Variants in YME1L1 observed in about 807,000 individuals in gnomAD.
YME1L1 encodes the protein YME1 like 1 ATPase, also known as ATP-dependent zinc metalloprotease YME1L1.
YME1L1 carries 39 observed loss-of-function variants against 90.4 expected under a neutral mutation model. The ratio of observed to expected loss-of-function variants is 0.43; its 90% CI spans 0.33 to 0.56. The LOEUF (loss-of-function observed/expected upper bound fraction) is 0.56, where lower values mean the gene tolerates loss of function less well. Ranked by LOEUF, YME1L1 falls within the 20% of genes least tolerant of loss-of-function variation. The pLI is 0.03. For synonymous variants in YME1L1, 284 were observed against 287.3 expected (o/e 0.99, Z 0.12); for missense variants, 617 against 868.4 (o/e 0.71, Z 3.64).
rs779648338 is a variant in YME1L1, at chr10:27,117,597, T to G, written c.1698A>C (p.Pro566=). The G allele has an allele frequency of 5.0e-6, 8 of 1,613,874 alleles. No individual in the cohort carries two copies. The African/African-American group carries it at 5.3e-5, about 11-fold the overall frequency. ...TTACATGTCCAAGTGTTGGCCCCCGTGGCATGATTGTAGCTTTGTTGATAG... is the reference window on the plus strand; with the variant it reads ...TTACATGTCCAAGTGTTGGCCCCCGGGGCATGATTGTAGCTTTGTTGATAG... The part of the protein sequence containing the change: ...AMPINKATIM[P]RGPTLGHVSL... The change falls in exon 15 of 19, where the codon CCA becomes CCC. Residue 566 remains proline, a synonymous_variant. Transcript: ENST00000376016.
At position 27,137,185 on chromosome 10, in the gene YME1L1, T is replaced by C. The variant is rs1192051888; in HGVS notation, c.431-800A>G. ...GCCCCAATCCCACTTCCCAGAAGTA[T>C]AACCTGTTAACAATTCTGACTACCC... is the stretch of plus-strand genomic sequence containing the variant. On this transcript the variant is annotated intron_variant, in intron 4 of 18. Transcript: ENST00000376016. Among the ~76,000 whole-genome samples, 4 of 152,226 alleles carry C rather than the reference T, an allele frequency of 2.6e-5. No individual in the cohort carries two copies. In the East Asian group the frequency reaches 7.7e-4, roughly 29 times the overall value.
chr10:27,128,623 A>T (rs1448589586), intron 8 of YME1L1, among the ~76,000 whole-genome samples: 1 of 151,946 alleles, frequency 6.6e-6, no homozygotes, highest in Non-Finnish European at 1.5e-5. Flanking sequence ...AAGATAAATC[A>T]GCTGGGCTTG....
At chr10:27,137,403 G>C (rs1211588539) in intron 4 of YME1L1, among the ~76,000 whole-genome samples, 1 of 151,984 alleles carries the variant, frequency 6.6e-6, no homozygotes, top group Non-Finnish European at 1.5e-5. Flanking sequence ...TTTGTTTTCT[G>C]GTTTTTATTG....
chr10:27,121,536 T>C, intron 11 of YME1L1, 88 bp from the exon 12 acceptor site: 1 of 959,718 alleles, frequency 1.0e-6, no homozygotes. Flanking sequence ...GTTTGTTTTC[T>C]TTTTTTGAGA....
chr10:27,153,236 A>AACT (rs761977733), intron 1 of YME1L1: 6 of 470,882 alleles, frequency 1.3e-5, no homozygotes, highest in South Asian at 9.3e-5. Context: ...CCTGGTACAT[A>AACT]ACTGATGCCC....
At chr10:27,114,950 C>A (rs1361068487) in intron 17 of YME1L1, among the ~76,000 whole-genome samples, 1 of 152,160 alleles carries the variant, frequency 6.6e-6, no homozygotes, top group African/African-American at 2.4e-5. Flanking sequence ...TCGCTTGAAC[C>A]CAGGAGGCGG....
chr10:27,145,704 CCTTT>C, intron 2 of YME1L1, 114 bp from the exon 3 acceptor site: 1 of 903,864 alleles, frequency 1.1e-6, no homozygotes, highest in Non-Finnish European at 1.6e-6. Flanking sequence ...AAATATATTT[CCTTT>C]TTTTAATATT....
At position 27,134,883 on chromosome 10, in the gene YME1L1, A is replaced by G. The variant is rs753593466; in HGVS notation, c.639T>C (p.Thr213=). 7 of 1,613,972 alleles carry G rather than the reference A, an allele frequency of 4.3e-6. No individual in the cohort carries two copies. In the Admixed American group the frequency reaches 1.2e-4, roughly 27 times the overall value. Reference sequence around the variant, plus strand: ...CTTTCAGAAAACCTTCCGCAAAACCAGTTTTAAATGCATCTTGGTGAGCTT... The same window carrying G: ...CTTTCAGAAAACCTTCCGCAAAACCGGTTTTAAATGCATCTTGGTGAGCTT... ...IPEAHQDAFK[T]GFAEGFLKAQ... The change falls in exon 6 of 19, where the codon ACT becomes ACC. Residue 213 remains threonine (T), a synonymous_variant. Coordinates refer to ENST00000376016, the MANE Select transcript of YME1L1 (RefSeq NM_014263.4).
At chr10:27,141,825 G>A (rs1211820719) in intron 4 of YME1L1, among the ~76,000 whole-genome samples, 2 of 152,100 alleles carry the variant, frequency 1.3e-5, no homozygotes, top group East Asian at 1.9e-4. Context: ...GGAAACAGAA[G>A]TACTCACCTC....
chr10:27,145,585 T>A lies in YME1L1; in HGVS notation c.174A>T (p.Ser58=), dbSNP rs748271514. 4 of 1,612,116 alleles carry A rather than the reference T, an allele frequency of 2.5e-6. No individual in the cohort carries two copies. The highest frequency in any genetic ancestry group is 1.7e-6 in the Non-Finnish European group (2 of 1,178,802). ...ATAATCCAAGGTCCCTTAAGTTAAG[T>A]GAAGGCTGTAAAAGATTGGGTCAAC... ...PEHEAPSSEP[S]LNLRDLGLSE... The change falls in exon 3 of 19, where the codon TCA becomes TCT. Residue 58 remains serine (S), a synonymous_variant. Coordinates refer to ENST00000376016, the MANE Select transcript of YME1L1 (RefSeq NM_014263.4).
chr10:27,148,364 G>A (rs1008048807), intron 2 of YME1L1, among the ~76,000 whole-genome samples: 5 of 151,904 alleles, frequency 3.3e-5, no homozygotes, highest in African/African-American at 7.3e-5. Flanking sequence ...CACCACACCC[G>A]GCTAATTTTT....
chr10:27,125,018 C>G (rs1380988794), intron 9 of YME1L1, among the ~76,000 whole-genome samples: 4 of 152,116 alleles, frequency 2.6e-5, no homozygotes, highest in Non-Finnish European at 5.9e-5. Flanking sequence ...CCTAAATTAG[C>G]AAAGGTTACT....
Position 27,111,864 on chromosome 10 carries a change from C to A in YME1L1, c.*113G>T, listed in dbSNP as rs753648531. 5.9e-6 allele frequency: 8 copies of A among 1,355,396 alleles called. No individual in the cohort carries two copies. The highest frequency in any genetic ancestry group is 1.8e-4 in the Middle Eastern group (1 of 5,554). 84.0% of individuals were successfully genotyped at this position (1,355,396 alleles called of 1,614,324 possible). On this transcript the variant is annotated 3_prime_UTR_variant, in exon 19 of 19. Transcript: ENST00000376016. Reference sequence around the variant, plus strand: ...CAAATGATTGACAAAGCATTTCACACCCTTCAATTACACCACATCAAGAAT... The same window carrying A: ...CAAATGATTGACAAAGCATTTCACAACCTTCAATTACACCACATCAAGAAT...
intron 1 of YME1L1, chr10:27,153,338 AAC>A (rs1040185896): frequency 2.2e-6 from 1 of 455,884 alleles, no homozygotes; most frequent in Non-Finnish European, 4.5e-6. Flanking sequence ...TACACAAAGG[AAC>A]ACAATCATAT....
At chr10:27,117,555 G>A (rs564318688) in intron 15 of YME1L1, 21 bp downstream of exon 15, 69 of 1,610,684 alleles carry the variant, frequency 4.3e-5, no homozygotes, top group East Asian at 3.6e-4. Flanking sequence ...GTGACAGGGC[G>A]AGACACTACA....
At chr10:27,120,642 T>C (rs2056857841) in intron 12 of YME1L1, 95 bp from the exon 13 acceptor site, 3 of 901,396 alleles carry the variant, frequency 3.3e-6, no homozygotes, top group African/African-American at 3.4e-5. Context: ...GGGAAGCCAA[T>C]GGCAGCCAGA....
chr10:27,115,408 T>G (rs1171758805), intron 17 of YME1L1, among the ~76,000 whole-genome samples: 1 of 150,054 alleles, frequency 6.7e-6, no homozygotes, highest in Non-Finnish European at 1.5e-5. Flanking sequence ...ACCTCCTGGG[T>G]TCAGAGAATC....
At chr10:27,117,483 G>A (rs1159194229) in intron 15 of YME1L1, 93 bp downstream of exon 15, 43 of 1,345,870 alleles carry the variant, frequency 3.2e-5, no homozygotes, top group South Asian at 8.2e-5. Flanking sequence ...TGAAAGAATC[G>A]TTTGAATCCG....
intron 9 of YME1L1, 102 bp from the exon 10 acceptor site, chr10:27,123,801 T>C (rs2056890400): frequency 6.4e-6 from 8 of 1,243,938 alleles, no homozygotes; most frequent in Non-Finnish European, 8.6e-6. Flanking sequence ...ATTTTCAGGC[T>C]GAGGTCACAC....
Sources: allele counts gnomAD v4.1 joint callset (sites outside exome capture counted in the v4.1 genomes callset), GRCh38; gene constraint gnomAD v4.1.1; transcripts MANE v1.5; gene names NCBI Gene and HGNC (gene_info 2026-07-23, HGNC 2026-07-21).